The following PIP5K1C variants were observed in gnomAD, a reference collection of about 807,000 sequenced individuals.
The protein encoded by PIP5K1C is phosphatidylinositol 4-phosphate 5-kinase type-1 gamma.
Under a neutral mutation model 80.1 loss-of-function variants are expected in PIP5K1C, and 45 were observed. That is an observed-to-expected ratio of 0.56 (90% CI 0.44 to 0.72). The LOEUF (loss-of-function observed/expected upper bound fraction) is 0.72, where lower values mean the gene tolerates loss of function less well. Ranked by LOEUF, PIP5K1C falls within the 30% of genes least tolerant of loss-of-function variation. The probability of loss-of-function intolerance (pLI) is 0.00; values close to 1 mark genes in which losing one functional copy is unlikely to be tolerated. For synonymous variants in PIP5K1C, 498 were observed against 420.1 expected (o/e 1.19, Z -2.27); for missense variants, 753 against 954.6 (o/e 0.79, Z 2.78).
At chr19:3,639,223 G>A (rs2033851845) in intron 15 of PIP5K1C, among the ~76,000 whole-genome samples, 1 of 152,184 alleles carries the variant, frequency 6.6e-6, no homozygotes, top group South Asian at 2.1e-4. Flanking sequence ...GCTGGCCCCA[G>A]GAGTGACCTG....
At position 3,637,902 on chromosome 19, in the gene PIP5K1C, C is replaced by A. The variant is rs2033772002; in HGVS notation, c.1920+982G>T. On this transcript the variant is annotated intron_variant, in intron 16 of 17. Coordinates refer to ENST00000335312, the MANE Select transcript of PIP5K1C (RefSeq NM_012398.3). The surrounding 1 kb of genome is among the most constrained non-coding windows in gnomAD (Gnocchi z 7.0). ...GAGACCAGGACGCGCACAAACCAGT[C>A]CCAGGAAAAGGGGTGACGACGTGCG... 1 of 1,535,226 alleles carries A rather than the reference C, an allele frequency of 6.5e-7. No homozygotes were observed. Among genetic ancestry groups the A allele is most frequent in the South Asian group, 1.2e-5 (1 of 84,056 alleles).
chr19:3,656,325 C>G, intron 6 of PIP5K1C, 80 bp downstream of exon 6: 1 of 1,533,986 alleles, frequency 6.5e-7, no homozygotes, highest in Non-Finnish European at 9.0e-7. Context: ...CTTGCCCAAG[C>G]CTTGCAGACA....
chr19:3,697,303 G>A (rs1183999920), intron 1 of PIP5K1C, among the ~76,000 whole-genome samples: 1 of 144,356 alleles, frequency 6.9e-6, no homozygotes, highest in Non-Finnish European at 1.5e-5. Context: ...GAGCCGGATG[G>A]AGGAGGACTG....
intron 15 of PIP5K1C, 103 bp from the exon 16 acceptor site, chr19:3,639,119 G>T: frequency 7.2e-7 from 1 of 1,393,428 alleles, no homozygotes. Flanking sequence ...CGGTCATCAC[G>T]GAGATGAAAA....
At chr19:3,644,348 G>A in intron 11 of PIP5K1C, 97 bp from the exon 12 acceptor site, 2 of 1,249,272 alleles carry the variant, frequency 1.6e-6, no homozygotes, top group South Asian at 2.6e-5. Context: ...CGTCCCTGTG[G>A]CCCACCAGAC....
At chr19:3,636,319 C>T in intron 16 of PIP5K1C, 1 of 931,240 alleles carries the variant, frequency 1.1e-6, no homozygotes, top group Non-Finnish European at 1.3e-6. Context: ...AGACCAGAAC[C>T]AAGGGCACAG....
At chr19:3,657,924 G>A (rs1009368303) in intron 5 of PIP5K1C, among the ~76,000 whole-genome samples, 14 of 152,096 alleles carry the variant, frequency 9.2e-5, no homozygotes, top group African/African-American at 2.9e-4. Flanking sequence ...AACAGAGCAA[G>A]AGTGTTTAAA....
At chr19:3,633,395 T>C (rs1174825822) in intron 17 of PIP5K1C, 42 bp downstream of exon 17, 1 of 1,411,694 alleles carries the variant, frequency 7.1e-7, no homozygotes, top group African/African-American at 1.4e-5. Context: ...AGTAGAACCT[T>C]GGAGCCCACG....
chr19:3,697,293 G>A lies in PIP5K1C; in HGVS notation c.94+3004C>T, dbSNP rs538495422. On this transcript the variant is annotated intron_variant, in intron 1 of 17. Coordinates refer to ENST00000335312, the MANE Select transcript of PIP5K1C (RefSeq NM_012398.3). ...GGAGGACCAAGCCGGATAGAGGACC[G>A]AGCCGGATGGAGGAGGACTGGGCCG... Among the ~76,000 whole-genome samples the A allele has an allele frequency of 6.2e-5, 9 of 146,188 alleles. No individual in the cohort carries two copies. In the East Asian group the frequency reaches 6.3e-4, roughly 10 times the overall value.
rs756872089 is a variant in PIP5K1C, at chr19:3,641,691, G to A, written c.1787+14C>T. 22 of 1,601,190 alleles carry A rather than the reference G, an allele frequency of 1.4e-5. No homozygotes were observed. Among genetic ancestry groups the A allele is most frequent in the Admixed American group, 5.0e-5 (3 of 60,002 alleles). The stretch of plus-strand genomic sequence containing the variant: ...CAGGTGGGCGCCCCGACCTCCCGCC[G>A]AGGCCGTGCTCACCCTGCGTCCTCC... On this transcript the variant is annotated intron_variant, in intron 15 of 17. Transcript: ENST00000335312.
Position 3,631,136 on chromosome 19 carries a change from G to A in PIP5K1C, c.*2031C>T, listed in dbSNP as rs17606146. ...CGCGTCGGCCGGGCACTGGTGTCCC[G>A]TGTCACTCAGCGGAGGGAGGCTGCC... On this transcript the variant is annotated 3_prime_UTR_variant, in exon 18 of 18. Coordinates refer to ENST00000335312, the MANE Select transcript of PIP5K1C (RefSeq NM_012398.3). 5,319 of 152,404 alleles carry A rather than the reference G, an allele frequency of 0.035. 155 individuals carry two copies. Among genetic ancestry groups the A allele is most frequent in the Middle Eastern group, 0.085 (25 of 294 alleles). 9.4% of individuals were successfully genotyped at this position (152,404 alleles called of 1,614,324 possible).
rs569699451 is a variant in PIP5K1C at position 3,687,311 on chromosome 19, G to A, written c.94+12986C>T. ...TGGGAGGCGGAGGTTGCAGTGAGCC[G>A]AGACTGCGCCACTGCACTCCAGCCT... On this transcript the variant is annotated intron_variant, in intron 1 of 17. Transcript: ENST00000335312. Among the ~76,000 whole-genome samples, 14 of 152,282 alleles carry A rather than the reference G, an allele frequency of 9.2e-5. No homozygotes were observed. The South Asian group carries it at 2.1e-3, about 23-fold the overall frequency.
intron 3 of PIP5K1C, among the ~76,000 whole-genome samples, chr19:3,662,338 T>C (rs1375930551): frequency 6.6e-6 from 1 of 152,202 alleles, no homozygotes; most frequent in East Asian, 1.9e-4. Flanking sequence ...AAAGGGTCGA[T>C]TCACTGTCAA....
chr19:3,690,793 G>C (rs1413123765), intron 1 of PIP5K1C, among the ~76,000 whole-genome samples: 1 of 152,174 alleles, frequency 6.6e-6, no homozygotes, highest in Non-Finnish European at 1.5e-5. Context: ...CTGTAGACTG[G>C]GAAAGACACA....
chr19:3,657,103 C>T (rs2034659096), intron 5 of PIP5K1C, among the ~76,000 whole-genome samples: 1 of 152,224 alleles, frequency 6.6e-6, no homozygotes. Context: ...ATGGAAGCTG[C>T]ATCTCTGATG....
chr19:3,698,683 G>C (rs966299205), intron 1 of PIP5K1C, among the ~76,000 whole-genome samples: 3 of 152,010 alleles, frequency 2.0e-5, no homozygotes, highest in African/African-American at 7.2e-5. Flanking sequence ...AGGCACAGAA[G>C]CCCCAGTGAG....
In PIP5K1C at chr19:3,637,366, C is replaced by A; in HGVS notation, c.1920+1518G>T. 6.5e-7 allele frequency: 1 copy of A among 1,535,366 alleles called. No homozygotes were observed. The highest frequency in any genetic ancestry group is 8.7e-7 in the Non-Finnish European group (1 of 1,146,704). Reference sequence around the variant, plus strand: ...TCCCAGTGACGCATGCAGCCCAGCGCCTGGTCCGGGGCCAGCGTGGCTGAC... The same window carrying A: ...TCCCAGTGACGCATGCAGCCCAGCGACTGGTCCGGGGCCAGCGTGGCTGAC... On this transcript the variant is annotated intron_variant, in intron 16 of 17. Transcript: ENST00000335312. This position sits in a 1 kb window ranked among gnomAD's most constrained non-coding sequence, Gnocchi z 7.0.
intron 1 of PIP5K1C, among the ~76,000 whole-genome samples, chr19:3,677,212 G>A (rs1163923727): frequency 2.6e-5 from 4 of 152,196 alleles, no homozygotes; most frequent in South Asian, 2.1e-4. Flanking sequence ...TGTGAGAGCC[G>A]CCACTGCAGC....
intron 1 of PIP5K1C, among the ~76,000 whole-genome samples, chr19:3,667,869 G>A (rs1600032134): frequency 6.6e-6 from 1 of 152,166 alleles, no homozygotes; most frequent in African/African-American, 2.4e-5. Flanking sequence ...GGGGAGTGAG[G>A]GGGGGCAGGC....
Sources: gnomAD v4.1 joint callset for allele counts (sites outside exome capture counted in the v4.1 genomes callset) on GRCh38, gnomAD v4.1.1 for gene constraint, Gnocchi (gnomAD v3.1) non-coding constraint, MANE v1.5 for transcripts, NCBI Gene and HGNC (gene_info 2026-07-23, HGNC 2026-07-21) for gene names.